PPFIA2: variants seen among roughly 807,000 people sequenced by gnomAD.
PPFIA2 encodes liprin-alpha-2.
In PPFIA2, 46 loss-of-function variants were observed where a neutral mutation model predicts 175.5. The observed-to-expected ratio is 0.26, with a 90% confidence interval of 0.21 to 0.34. The LOEUF (loss-of-function observed/expected upper bound fraction) is 0.34. PPFIA2 is among the 10% of genes least tolerant of loss of function. The pLI, the probability that PPFIA2 is intolerant of heterozygous loss-of-function variation, is 1.00. For synonymous variants in PPFIA2, 568 were observed against 511.4 expected, an observed-to-expected ratio of 1.11 and a Z score of -1.49; for missense variants, 1,179 against 1,506.1, an observed-to-expected ratio of 0.78 and a Z score of 3.60.
chr12:81,557,157 G>C (rs1282106710), intron 4 of PPFIA2, among the ~76,000 whole-genome samples: 1 of 150,574 alleles, frequency 6.6e-6, no homozygotes, highest in African/African-American at 2.4e-5. Context: ...CTGATCAATA[G>C]CTATGCATTA....
rs1159549967 is a variant in PPFIA2, at chr12:81,371,210, G to T, written c.1267-2016C>A. ...AAGTCGTCCTCAAATTTCCAATTTA[G>T]AAGCTATACAGAGTTACCATGGTCC... On this transcript the variant is annotated intron_variant, in intron 11 of 32. Transcript: ENST00000549396. Among the ~76,000 whole-genome samples, 4 of 151,636 alleles carry T rather than the reference G, an allele frequency of 2.6e-5. No homozygotes were observed. In the East Asian group the frequency reaches 7.7e-4, roughly 29 times the overall value.
intron 4 of PPFIA2, among the ~76,000 whole-genome samples, chr12:81,483,277 C>T (rs2058454258): frequency 6.6e-6 from 1 of 152,082 alleles, no homozygotes; most frequent in African/African-American, 2.4e-5. Flanking sequence ...TAGCATTATT[C>T]ATAATAGCCA....
chr12:81,730,170 G>A (rs772885085), intron 3 of PPFIA2, among the ~76,000 whole-genome samples: 22 of 151,492 alleles, frequency 1.5e-4, no homozygotes, highest in Non-Finnish European at 2.8e-4. Context: ...CCTTTGCATA[G>A]AGAAAGTTCT....
At chr12:81,515,952 TA>T (rs1412248813) in intron 4 of PPFIA2, among the ~76,000 whole-genome samples, 1 of 143,494 alleles carries the variant, frequency 7.0e-6, no homozygotes, top group Non-Finnish European at 1.5e-5. Flanking sequence ...GGAAAGACCT[TA>T]AACTCCCAGC....
chr12:81,524,967 G>T (rs969578346), intron 4 of PPFIA2, among the ~76,000 whole-genome samples: 8 of 152,124 alleles, frequency 5.3e-5, no homozygotes, highest in Admixed American at 2.6e-4. Context: ...ACAGTGAAAA[G>T]ACAACTATCT....
chr12:81,619,975 C>G (rs1038389314), intron 4 of PPFIA2, among the ~76,000 whole-genome samples: 1 of 151,796 alleles, frequency 6.6e-6, no homozygotes, highest in African/African-American at 2.4e-5. Context: ...CTGGCTAAGG[C>G]AGTGAAACCC....
At chr12:81,682,144 G>A (rs948913145) in intron 3 of PPFIA2, among the ~76,000 whole-genome samples, 1 of 152,028 alleles carries the variant, frequency 6.6e-6, no homozygotes, top group African/African-American at 2.4e-5. Context: ...ATGTAACTGT[G>A]TTTGAATGTA....
At chr12:81,603,825 TAA>T (rs60363527) in intron 4 of PPFIA2, among the ~76,000 whole-genome samples, 56,633 of 103,576 alleles carry the variant, frequency 0.55, 13,816 homozygotes, top group African/African-American at 0.63. Context: ...CTATTCTGAC[TAA>T]AAAAAAAAAA....
intron 4 of PPFIA2, among the ~76,000 whole-genome samples, chr12:81,597,495 AATGGGAATT>A (rs1355417496): frequency 6.6e-6 from 1 of 152,136 alleles, no homozygotes; most frequent in Non-Finnish European, 1.5e-5. Context: ...AAAATTAAAT[AATGGGAATT>A]ATGTTAAACT....
chr12:81,281,162 G>T, intron 27 of PPFIA2, 95 bp downstream of exon 27: 1 of 939,160 alleles, frequency 1.1e-6, no homozygotes, highest in Non-Finnish European at 1.5e-6. Flanking sequence ...TATATTTTCT[G>T]TCTTCTAGAC....
At chr12:81,584,795 A>AAT (rs1260027707) in intron 4 of PPFIA2, among the ~76,000 whole-genome samples, 3 of 133,564 alleles carry the variant, frequency 2.2e-5, no homozygotes, top group African/African-American at 2.8e-5. Context: ...CATTATATAT[A>AAT]ATATATATAT....
chr12:81,508,968 G>A (rs1298315504), intron 4 of PPFIA2, among the ~76,000 whole-genome samples: 3 of 151,926 alleles, frequency 2.0e-5, no homozygotes, highest in African/African-American at 4.8e-5. Context: ...GTCCAACAAC[G>A]ATAGACTGGA....
chr12:81,401,548 GTTTTA>G (rs1354048353), intron 8 of PPFIA2, among the ~76,000 whole-genome samples: 1 of 152,068 alleles, frequency 6.6e-6, no homozygotes, highest in Non-Finnish European at 1.5e-5. Flanking sequence ...TATTTATCAT[GTTTTA>G]TGATATTAAT....
chr12:81,441,449 T>A (rs2050157374), intron 6 of PPFIA2, among the ~76,000 whole-genome samples: 1 of 152,078 alleles, frequency 6.6e-6, no homozygotes, highest in South Asian at 2.1e-4. Flanking sequence ...GAGACTTGAT[T>A]TCTAAAAGAG....
At chr12:81,271,000 A>T (rs2038929238) in intron 28 of PPFIA2, among the ~76,000 whole-genome samples, 1 of 152,170 alleles carries the variant, frequency 6.6e-6, no homozygotes, top group African/African-American at 2.4e-5. Context: ...GAAGAATCAC[A>T]GTAGCTTTGG....
intron 8 of PPFIA2, among the ~76,000 whole-genome samples, chr12:81,404,218 G>A (rs2042538196): frequency 6.6e-6 from 1 of 152,140 alleles, no homozygotes; most frequent in South Asian, 2.1e-4. Flanking sequence ...AAAAAAATCT[G>A]AAGTTGTTCA....
chr12:81,379,580 TAC>T (rs2141858588), intron 9 of PPFIA2, among the ~76,000 whole-genome samples: 1 of 152,266 alleles, frequency 6.6e-6, no homozygotes, highest in East Asian at 1.9e-4. Flanking sequence ...TCATTATCCA[TAC>T]ACAATTAATA....
At chr12:81,723,048 G>A (rs527293836) in intron 3 of PPFIA2, among the ~76,000 whole-genome samples, 3 of 150,964 alleles carry the variant, frequency 2.0e-5, no homozygotes, top group Non-Finnish European at 4.5e-5. Context: ...CCTATGATCT[G>A]CCTAGCTTCA....
At chr12:81,492,060 C>G (rs1354042083) in intron 4 of PPFIA2, among the ~76,000 whole-genome samples, 3 of 151,928 alleles carry the variant, frequency 2.0e-5, no homozygotes, top group African/African-American at 7.2e-5. Flanking sequence ...TTCATAATTA[C>G]AAGATCGAGG....
Sources: allele counts gnomAD v4.1 joint callset (sites outside exome capture counted in the v4.1 genomes callset), GRCh38; gene constraint gnomAD v4.1.1; transcripts MANE v1.5; gene names NCBI Gene and HGNC (gene_info 2026-07-23, HGNC 2026-07-21).